PDIA5: variants seen among roughly 807,000 people sequenced by gnomAD.
The protein encoded by PDIA5 is protein disulfide-isomerase A5.
Under a neutral mutation model 77.6 loss-of-function variants are expected in PDIA5, and 58 were observed. That is an observed-to-expected ratio of 0.75 (90% CI 0.61 to 0.93). PDIA5 has a LOEUF of 0.93. Among genes scored for constraint, PDIA5 ranks in the 40% least tolerant of loss-of-function variants. The pLI is 0.00. For missense variants in PDIA5, 630 were observed against 647.7 expected (o/e 0.97, Z 0.30); for synonymous variants, 250 against 252.1 (o/e 0.99, Z 0.08).
At chr3:123,084,670 G>A (rs1048198896) in intron 1 of PDIA5, among the ~76,000 whole-genome samples, 11 of 152,198 alleles carry the variant, frequency 7.2e-5, no homozygotes, top group East Asian at 3.9e-4. Context: ...CTGCTTCTCC[G>A]TTCTTCCACC....
At chr3:123,110,887 T>C in intron 6 of PDIA5, 57 bp from the exon 7 acceptor site, 1 of 1,363,704 alleles carries the variant, frequency 7.3e-7, no homozygotes, top group Non-Finnish European at 1.0e-6. Flanking sequence ...GGGGAGGGGG[T>C]CTCATCCTGT....
At chr3:123,076,629 C>T (rs1224754205) in intron 1 of PDIA5, among the ~76,000 whole-genome samples, 1 of 152,154 alleles carries the variant, frequency 6.6e-6, no homozygotes, top group Admixed American at 6.5e-5. Flanking sequence ...GGATGTACAC[C>T]GTGGGTCATG....
intron 3 of PDIA5, among the ~76,000 whole-genome samples, chr3:123,098,325 C>G (rs895144752): frequency 6.6e-6 from 1 of 150,492 alleles, no homozygotes; most frequent in South Asian, 2.1e-4. Context: ...CAGACCCCCA[C>G]CCTCCGACCC....
chr3:123,152,508 T>G (rs555596910), intron 14 of PDIA5, among the ~76,000 whole-genome samples: 1 of 152,344 alleles, frequency 6.6e-6, no homozygotes, highest in East Asian at 1.9e-4. Context: ...CTTTTGACTT[T>G]TTAATAATGA....
At chr3:123,083,272 C>T (rs1934059008) in intron 1 of PDIA5, among the ~76,000 whole-genome samples, 1 of 152,078 alleles carries the variant, frequency 6.6e-6, no homozygotes, top group Non-Finnish European at 1.5e-5. Flanking sequence ...GGCATTGGTG[C>T]TCTGACAGCG....
At chr3:123,075,742 T>C (rs915273852) in intron 1 of PDIA5, among the ~76,000 whole-genome samples, 2 of 152,140 alleles carry the variant, frequency 1.3e-5, no homozygotes, top group Non-Finnish European at 1.5e-5. Context: ...CTTAAGGAGA[T>C]ATGTGTAAAA....
At chr3:123,123,068 A>C (rs1935157049) in intron 8 of PDIA5, among the ~76,000 whole-genome samples, 1 of 152,124 alleles carries the variant, frequency 6.6e-6, no homozygotes, top group Admixed American at 6.5e-5. Flanking sequence ...TGAGCCCAGG[A>C]GTTGGAAGCC....
chr3:123,142,909 C>T (rs1309022722), intron 11 of PDIA5, among the ~76,000 whole-genome samples: 5 of 152,326 alleles, frequency 3.3e-5, no homozygotes, highest in African/African-American at 1.2e-4. Context: ...TGTGTCCTTT[C>T]ATCTGCCACC....
At chr3:123,074,631 G>A (rs983233950) in intron 1 of PDIA5, among the ~76,000 whole-genome samples, 5 of 152,148 alleles carry the variant, frequency 3.3e-5, no homozygotes, top group African/African-American at 1.2e-4. Context: ...AGGATATCTT[G>A]TAATGTGATA....
At chr3:123,138,866 C>T (rs1935557049) in intron 11 of PDIA5, among the ~76,000 whole-genome samples, 1 of 152,196 alleles carries the variant, frequency 6.6e-6, no homozygotes. Context: ...CCAAGTACTA[C>T]CCCAGTACCC....
intron 1 of PDIA5, among the ~76,000 whole-genome samples, chr3:123,070,810 C>T (rs965227328): frequency 3.3e-5 from 5 of 152,084 alleles, no homozygotes; most frequent in Non-Finnish European, 5.9e-5. Flanking sequence ...GATGGAGAAA[C>T]GTCGAGCTGG....
chr3:123,076,167 G>A (rs1198061176), intron 1 of PDIA5, among the ~76,000 whole-genome samples: 3 of 152,218 alleles, frequency 2.0e-5, no homozygotes, highest in African/African-American at 7.2e-5. Flanking sequence ...GAGCAACGGG[G>A]AGTGGATGAT....
intron 5 of PDIA5, among the ~76,000 whole-genome samples, chr3:123,105,021 G>A (rs1028117268): frequency 6.6e-6 from 1 of 152,192 alleles, no homozygotes; most frequent in African/African-American, 2.4e-5. Context: ...CAGTTGTTAC[G>A]TTAAAAGGCC....
At chr3:123,077,573 C>T (rs1311080074) in intron 1 of PDIA5, among the ~76,000 whole-genome samples, 2 of 152,032 alleles carry the variant, frequency 1.3e-5, no homozygotes, top group South Asian at 2.1e-4. Context: ...CACACACACA[C>T]ACACACACAC....
intron 11 of PDIA5, among the ~76,000 whole-genome samples, chr3:123,133,608 A>G (rs754910698): frequency 6.6e-6 from 1 of 152,246 alleles, no homozygotes; most frequent in South Asian, 2.1e-4. Context: ...TCCCCTGGAT[A>G]CATTGTGACT....
At chr3:123,125,616 A>G (rs1387391847) in intron 10 of PDIA5, among the ~76,000 whole-genome samples, 1 of 152,186 alleles carries the variant, frequency 6.6e-6, no homozygotes, top group East Asian at 1.9e-4. Context: ...TGGAGGTTGA[A>G]AATGTGTATT....
chr3:123,069,534 A>G (rs1017253559), intron 1 of PDIA5, among the ~76,000 whole-genome samples: 48 of 152,166 alleles, frequency 3.2e-4, no homozygotes, highest in African/African-American at 1.2e-3. Flanking sequence ...AGTTCTGCAG[A>G]CCAAAAGTCC....
intron 5 of PDIA5, 150 bp from the exon 6 acceptor site, chr3:123,106,599 C>A: frequency 1.6e-6 from 1 of 627,136 alleles, no homozygotes. Context: ...GGAAATAACA[C>A]ACCCTCCAAG....
Position 123,124,066 on chromosome 3 carries a change from G to A in PDIA5, c.610G>A (p.Val204Met). 1 of 1,611,452 alleles carries A rather than the reference G, an allele frequency of 6.2e-7. No individual in the cohort carries two copies. The highest frequency in any genetic ancestry group is 1.7e-4 in the Middle Eastern group (1 of 6,056). The change falls in exon 9 of 17, where the codon GTG (valine) becomes ATG (methionine). Residue 204 changes from valine (V) to methionine (M), a missense_variant and splice_region_variant. Coordinates refer to ENST00000316218, the MANE Select transcript of PDIA5 (RefSeq NM_006810.4). ...ACGGCTCTTCTCCGCTTCCTCCCAGGTGCTGGCCGGGATGAATGTCTACTC... is the reference window on the plus strand; with the variant it reads ...ACGGCTCTTCTCCGCTTCCTCCCAGATGCTGGCCGGGATGAATGTCTACTC... ...KAATQLRGHA[V>M]LAGMNVYSSE... is the part of the protein sequence containing the mutation.
Sources: gnomAD v4.1 joint callset for allele counts (sites outside exome capture counted in the v4.1 genomes callset) on GRCh38, gnomAD v4.1.1 for gene constraint, MANE v1.5 for transcripts, NCBI Gene and HGNC (gene_info 2026-07-23, HGNC 2026-07-21) for gene names.